CHRM3: variants seen among roughly 807,000 people sequenced by gnomAD.
The protein encoded by CHRM3 is cholinergic receptor muscarinic 3.
Under a neutral mutation model 41.8 loss-of-function variants are expected in CHRM3, and 11 were observed. The ratio of observed to expected loss-of-function variants is 0.26; its 90% confidence interval spans 0.17 to 0.44. The LOEUF is 0.44. Among genes scored for constraint, CHRM3 ranks in the 20% least tolerant of loss-of-function variants. The probability of loss-of-function intolerance (pLI) is 1.00; values close to 1 mark genes in which losing one functional copy is unlikely to be tolerated. For missense variants in CHRM3, 571 were observed against 745.4 expected (o/e 0.77, Z 2.72); for synonymous variants, 297 against 301.4 (o/e 0.99, Z 0.15).
intron 5 of CHRM3, among the ~76,000 whole-genome samples, chr1:239,739,545 T>A (rs1558501001): frequency 6.6e-6 from 1 of 152,094 alleles, no homozygotes; most frequent in Non-Finnish European, 1.5e-5. Context: ...AATACTGAGG[T>A]TTCCCACCCA....
intron 4 of CHRM3, among the ~76,000 whole-genome samples, chr1:239,642,266 G>A (rs934830122): frequency 4.0e-5 from 6 of 151,218 alleles, no homozygotes; most frequent in African/African-American, 1.5e-4. Flanking sequence ...TTCTCGAGGA[G>A]TATCTTTGTG....
chr1:239,857,142 A>G (rs911812620), intron 6 of CHRM3, among the ~76,000 whole-genome samples: 9 of 152,078 alleles, frequency 5.9e-5, no homozygotes, highest in Admixed American at 5.2e-4. Context: ...AAACTGAGAT[A>G]AAAACCAGGA....
chr1:239,558,680 G>A (rs1266220604), intron 3 of CHRM3, among the ~76,000 whole-genome samples: 1 of 152,154 alleles, frequency 6.6e-6, no homozygotes, highest in African/African-American at 2.4e-5. Flanking sequence ...TTGTGTGACT[G>A]GGCTGGCCCA....
At chr1:239,803,724 A>AG (rs1558136077) in intron 5 of CHRM3, among the ~76,000 whole-genome samples, 1 of 152,154 alleles carries the variant, frequency 6.6e-6, no homozygotes, top group African/African-American at 2.4e-5. Flanking sequence ...TGTGGAAGGC[A>AG]GGGGGTAGGT....
At chr1:239,902,848 A>G (rs1679685068) in intron 6 of CHRM3, among the ~76,000 whole-genome samples, 1 of 152,192 alleles carries the variant, frequency 6.6e-6, no homozygotes. Context: ...ATTTCCCTCT[A>G]ATGGTTCTTG....
intron 5 of CHRM3, among the ~76,000 whole-genome samples, chr1:239,768,987 A>G (rs750092498): frequency 1.1e-4 from 17 of 152,054 alleles, no homozygotes; most frequent in Non-Finnish European, 2.4e-4. Flanking sequence ...CTGGTCTCCA[A>G]CACCTGACCT....
chr1:239,565,983 T>C (rs1337250530), intron 3 of CHRM3, among the ~76,000 whole-genome samples: 1 of 149,676 alleles, frequency 6.7e-6, no homozygotes. Context: ...CGTGTGATCA[T>C]GGCTCACTGC....
chr1:239,786,551 T>C (rs1053158296), intron 5 of CHRM3, among the ~76,000 whole-genome samples: 10 of 152,118 alleles, frequency 6.6e-5, no homozygotes, highest in African/African-American at 2.4e-4. Flanking sequence ...CTGTTTAGCT[T>C]CTAAACGGCT....
chr1:239,551,472 T>C (rs1659822370), intron 3 of CHRM3, among the ~76,000 whole-genome samples: 4 of 151,642 alleles, frequency 2.6e-5, no homozygotes. Context: ...TATGTTATTA[T>C]TATTGTAGAT....
intron 1 of CHRM3, among the ~76,000 whole-genome samples, chr1:239,416,075 A>G (rs1004669098): frequency 2.6e-5 from 4 of 152,234 alleles, no homozygotes; most frequent in African/African-American, 9.6e-5. Flanking sequence ...AGAATTAAGT[A>G]TCGTGGGGAA....
chr1:239,479,348 G>A (rs115184627), intron 1 of CHRM3, among the ~76,000 whole-genome samples: 92 of 152,134 alleles, frequency 6.0e-4, no homozygotes, highest in African/African-American at 2.2e-3. Flanking sequence ...CCAAAGATGA[G>A]AAGAAAATCT....
chr1:239,886,797 C>T (rs1047081711), intron 6 of CHRM3, among the ~76,000 whole-genome samples: 5 of 152,154 alleles, frequency 3.3e-5, no homozygotes, highest in African/African-American at 1.2e-4. Context: ...TGCTGTGTTC[C>T]AGCCCGGTTC....
chr1:239,455,251 C>T (rs1322952648), intron 1 of CHRM3, among the ~76,000 whole-genome samples: 1 of 151,698 alleles, frequency 6.6e-6, no homozygotes, highest in Non-Finnish European at 1.5e-5. Flanking sequence ...GGGTTTCTCC[C>T]TGTTGGTCAG....
intron 6 of CHRM3, among the ~76,000 whole-genome samples, chr1:239,890,743 A>G (rs577256480): frequency 6.6e-6 from 1 of 152,332 alleles, no homozygotes; most frequent in South Asian, 2.1e-4. Flanking sequence ...TTAACACAAT[A>G]AGACATGTTG....
At chr1:239,514,755 G>A (rs1669146960) in intron 2 of CHRM3, among the ~76,000 whole-genome samples, 1 of 152,064 alleles carries the variant, frequency 6.6e-6, no homozygotes, top group South Asian at 2.1e-4. Context: ...GGTTTGTGGA[G>A]TTTCCAGGTA....
intron 6 of CHRM3, among the ~76,000 whole-genome samples, chr1:239,882,368 CTAA>C (rs2102883313): frequency 6.6e-6 from 1 of 152,252 alleles, no homozygotes; most frequent in African/African-American, 2.4e-5. Flanking sequence ...CCTAGTGATA[CTAA>C]TAATAATAGC....
chr1:239,794,391 T>G (rs998157794), intron 5 of CHRM3, among the ~76,000 whole-genome samples: 33 of 147,882 alleles, frequency 2.2e-4, no homozygotes, highest in African/African-American at 5.2e-4. Context: ...TTTGTTGTTT[T>G]TTTTTTTTTT....
intron 1 of CHRM3, among the ~76,000 whole-genome samples, chr1:239,446,059 T>G (rs1664109661): frequency 6.6e-6 from 1 of 151,980 alleles, no homozygotes; most frequent in African/African-American, 2.4e-5. Flanking sequence ...TGCCTCAGCC[T>G]CTGAGTAGCT....
At chr1:239,820,278 A>G (rs1309737120) in intron 5 of CHRM3, among the ~76,000 whole-genome samples, 2 of 152,174 alleles carry the variant, frequency 1.3e-5, no homozygotes, top group Admixed American at 6.5e-5. Context: ...AAAGGGAGGT[A>G]GGAAGTGTGG....
Sources: allele counts gnomAD v4.1 joint callset (sites outside exome capture counted in the v4.1 genomes callset), GRCh38; gene constraint gnomAD v4.1.1; transcripts MANE v1.5; gene names NCBI Gene and HGNC (gene_info 2026-07-23, HGNC 2026-07-21).